Variants in TOX observed in about 807,000 individuals in gnomAD.
TOX encodes thymocyte selection associated high mobility group box.
A neutral mutation model predicts 53.7 loss-of-function variants in TOX; 11 were observed. That is an observed-to-expected ratio of 0.20 (90% CI 0.13 to 0.34). TOX has a LOEUF of 0.34. Ranked by LOEUF, TOX falls within the 10% of genes least tolerant of loss-of-function variation. The probability of loss-of-function intolerance (pLI) is 1.00; values close to 1 mark genes in which losing one functional copy is unlikely to be tolerated. For missense variants in TOX, 570 were observed against 664.6 expected (o/e 0.86, Z 1.56); for synonymous variants, 225 against 245.3 (o/e 0.92, Z 0.77).
intron 1 of TOX, among the ~76,000 whole-genome samples, chr8:59,063,199 C>T (rs1804019277): frequency 6.6e-6 from 1 of 152,152 alleles, no homozygotes; most frequent in African/African-American, 2.4e-5. Context: ...CTCAATCAAA[C>T]ATTGCAACTA....
At chr8:58,969,063 C>G (rs1159260483) in intron 1 of TOX, among the ~76,000 whole-genome samples, 1 of 152,146 alleles carries the variant, frequency 6.6e-6, no homozygotes, top group African/African-American at 2.4e-5. Flanking sequence ...ATTACTCAGA[C>G]AAATTACATC....
chr8:58,812,750 C>T (rs1478802965), intron 7 of TOX, among the ~76,000 whole-genome samples: 7 of 152,314 alleles, frequency 4.6e-5, no homozygotes, highest in South Asian at 2.1e-4. Context: ...CACTCAATTT[C>T]CAGAGCCTAG....
At chr8:58,943,721 G>A (rs898583642) in intron 2 of TOX, among the ~76,000 whole-genome samples, 2 of 151,698 alleles carry the variant, frequency 1.3e-5, no homozygotes, top group Admixed American at 6.6e-5. Flanking sequence ...AGGGAGGCCA[G>A]GTATAGATTT....
chr8:59,035,640 G>T (rs1377202199), intron 1 of TOX, among the ~76,000 whole-genome samples: 1 of 152,156 alleles, frequency 6.6e-6, no homozygotes, highest in African/African-American at 2.4e-5. Context: ...TTTTTTATCA[G>T]TTATTTATTT....
At chr8:59,066,502 T>C (rs941784384) in intron 1 of TOX, among the ~76,000 whole-genome samples, 12 of 152,156 alleles carry the variant, frequency 7.9e-5, no homozygotes, top group Admixed American at 2.0e-4. Context: ...AATCCCATAA[T>C]ATTAAATATT....
At chr8:58,911,205 T>G (rs1288777656) in intron 3 of TOX, among the ~76,000 whole-genome samples, 2 of 152,164 alleles carry the variant, frequency 1.3e-5, no homozygotes, top group South Asian at 4.1e-4. Flanking sequence ...AGCAGTTCCC[T>G]TTGAAAGTGT....
chr8:58,806,930 C>T lies in TOX; in HGVS notation c.*817G>A, dbSNP rs979761424. On this transcript the variant is annotated 3_prime_UTR_variant, in exon 9 of 9. Coordinates refer to ENST00000361421, the MANE Select transcript of TOX (RefSeq NM_014729.3). ...TTTAGCTGTTTCCAATCTGTTTCTGCATCTAATAAAATACCAGGTAAGCAT... is the reference window on the plus strand; with the variant it reads ...TTTAGCTGTTTCCAATCTGTTTCTGTATCTAATAAAATACCAGGTAAGCAT... 16 of 152,572 alleles carry T rather than the reference C, an allele frequency of 1.0e-4. No individual in the cohort carries two copies. The highest frequency in any genetic ancestry group is 2.4e-4 in the Non-Finnish European group (16 of 68,034). The allele number at this position is 152,572 out of a possible 1,614,324, so 9.5% of individuals were successfully genotyped here. A position where few individuals can be genotyped will look rare whatever the true frequency, so the allele number is the denominator to read the frequency against.
chr8:58,962,449 T>C (rs973565522), intron 1 of TOX, among the ~76,000 whole-genome samples: 4 of 152,148 alleles, frequency 2.6e-5, no homozygotes, highest in Admixed American at 6.5e-5. Context: ...AAGGCACAGA[T>C]AAGTTAAGCT....
chr8:59,054,927 A>G (rs1803862803), intron 1 of TOX, among the ~76,000 whole-genome samples: 1 of 141,216 alleles, frequency 7.1e-6, no homozygotes, highest in African/African-American at 2.5e-5. Context: ...AAAGAAAGAA[A>G]GAAAAAGAAA....
In TOX at chr8:59,118,376, T is replaced by G. The variant is rs1805146071; in HGVS notation, c.102+510A>C. Among the ~76,000 whole-genome samples the G allele has an allele frequency of 6.6e-6, 1 of 152,002 alleles. No individual in the cohort carries two copies. Among genetic ancestry groups the G allele is most frequent in the African/African-American group, 2.4e-5 (1 of 41,386 alleles). ...AAGAGTTGTGGGGCAGTTTTCCCTG[T>G]GGGGGGCAGGGGCGCCTCCCAGGTC... On this transcript the variant is annotated intron_variant, in intron 1 of 8. Transcript: ENST00000361421. This position sits in a 1 kb window ranked among gnomAD's most constrained non-coding sequence, Gnocchi z 4.1.
At chr8:59,071,747 A>G (rs1444329274) in intron 1 of TOX, among the ~76,000 whole-genome samples, 1 of 152,196 alleles carries the variant, frequency 6.6e-6, no homozygotes, top group Non-Finnish European at 1.5e-5. Flanking sequence ...AACTTATGGC[A>G]TAGATATCAG....
At chr8:59,093,783 C>T (rs1429321035) in intron 1 of TOX, among the ~76,000 whole-genome samples, 1 of 152,134 alleles carries the variant, frequency 6.6e-6, no homozygotes, top group Admixed American at 6.6e-5. Flanking sequence ...CTAATGTTTT[C>T]CCCTAATAAT....
intron 1 of TOX, among the ~76,000 whole-genome samples, chr8:59,042,434 T>A (rs16924499): frequency 6.6e-6 from 1 of 152,250 alleles, no homozygotes; most frequent in Non-Finnish European, 1.5e-5. Context: ...ACCACCTTTG[T>A]ATATTAATCC....
At chr8:58,966,488 T>A (rs543285680) in intron 1 of TOX, among the ~76,000 whole-genome samples, 10 of 151,990 alleles carry the variant, frequency 6.6e-5, no homozygotes, top group Non-Finnish European at 1.0e-4. Context: ...CTGAATGGTA[T>A]GGAGAGGAAG....
At chr8:58,937,988 G>A (rs566980798) in intron 3 of TOX, among the ~76,000 whole-genome samples, 2 of 152,274 alleles carry the variant, frequency 1.3e-5, no homozygotes, top group African/African-American at 4.8e-5. Context: ...TATTTATGGA[G>A]TCATACTTAA....
chr8:58,947,928 G>A (rs1439732454), intron 2 of TOX, among the ~76,000 whole-genome samples: 2 of 152,206 alleles, frequency 1.3e-5, no homozygotes, highest in Non-Finnish European at 2.9e-5. Flanking sequence ...GCAAGGTCAG[G>A]CCTTCAACCT....
chr8:58,886,791 C>T (rs1811476140), intron 3 of TOX, among the ~76,000 whole-genome samples: 1 of 151,814 alleles, frequency 6.6e-6, no homozygotes, highest in African/African-American at 2.4e-5. Context: ...TCTTCCCAAC[C>T]ACAATTTACC....
chr8:58,813,073 T>G (rs1437625457), intron 7 of TOX, among the ~76,000 whole-genome samples: 2 of 152,204 alleles, frequency 1.3e-5, no homozygotes, highest in Non-Finnish European at 2.9e-5. Flanking sequence ...CAAGCATACT[T>G]TTTGGGATAC....
At chr8:59,001,998 G>T (rs1813697405) in intron 1 of TOX, among the ~76,000 whole-genome samples, 1 of 141,810 alleles carries the variant, frequency 7.1e-6, no homozygotes, top group Non-Finnish European at 1.5e-5. Context: ...TTTTGAGACG[G>T]AGTTTCACTC....
Sources: allele counts gnomAD v4.1 joint callset (sites outside exome capture counted in the v4.1 genomes callset), GRCh38; gene constraint gnomAD v4.1.1; non-coding constraint Gnocchi (gnomAD v3.1); transcripts MANE v1.5; gene names NCBI Gene and HGNC (gene_info 2026-07-23, HGNC 2026-07-21).